The following MTFMT variants were observed in gnomAD, a reference collection of about 807,000 sequenced individuals.
The protein encoded by MTFMT is methionyl-tRNA formyltransferase, mitochondrial.
Under a neutral mutation model 51.8 loss-of-function variants are expected in MTFMT, and 47 were observed. The observed-to-expected ratio is 0.91, with a 90% confidence interval of 0.72 to 1.16. The LOEUF is 1.16. MTFMT is among the 50% of genes most tolerant of loss of function. The probability of loss-of-function intolerance (pLI) is 0.00; values close to 1 mark genes in which losing one functional copy is unlikely to be tolerated. For missense variants in MTFMT, 512 were observed against 482.3 expected (o/e 1.06, Z -0.58); for synonymous variants, 196 against 176.7 (o/e 1.11, Z -0.87).
chr15:65,017,441 T>C (rs965783324), intron 5 of MTFMT, among the ~76,000 whole-genome samples: 8 of 152,186 alleles, frequency 5.3e-5, no homozygotes, highest in Admixed American at 3.9e-4. Flanking sequence ...TAGCAAAAGA[T>C]TGGAAACAAC....
At chr15:65,029,324 T>G (rs1054465351) in intron 1 of MTFMT, 81 bp downstream of exon 1, 2 of 1,338,286 alleles carry the variant, frequency 1.5e-6, no homozygotes, top group Non-Finnish European at 1.9e-6. Flanking sequence ...CAACCAGAAG[T>G]CCAAAACCCT....
Position 65,023,707 on chromosome 15 carries a change from A to G in MTFMT, c.507T>C (p.Val169=). ...TAATTTGCATAATTGTTACTCCAGT[A>G]ACTGTGTCTCCGTGAAGCACTGTAT... is the stretch of plus-strand genomic sequence containing the variant. ...VIHTVLHGDT[V]TGVTIMQIRP... Residue 169 remains valine, a synonymous_variant, in exon 3 of 9, where the codon GTT becomes GTC. Transcript: ENST00000220058. The G allele has an allele frequency of 6.2e-7, 1 of 1,613,764 alleles. No homozygotes were observed. Among genetic ancestry groups the G allele is most frequent in the Non-Finnish European group, 8.5e-7 (1 of 1,179,720 alleles).
rs745679845 is a variant in MTFMT at position 65,016,524 on chromosome 15, G to C, written c.725C>G (p.Pro242Arg). 6.2e-7 allele frequency: 1 copy of C among 1,608,626 alleles called. No homozygotes were observed. ...ACAACTGGTACCAGCAGAAATCTTA[G>C]GGGCTACAAGATAAAACCAAGAGCA... ...QQPMEGATYA[P>R]KISAGTSCIK... Residue 242 changes from proline to arginine, a missense_variant, in exon 6 of 9, where the codon CCT becomes CGT. By Grantham distance (103) the Pro-to-Arg change is moderately radical. Coordinates refer to ENST00000220058, the MANE Select transcript of MTFMT (RefSeq NM_139242.4).
At chr15:65,027,242 G>C (rs535385470) in intron 1 of MTFMT, among the ~76,000 whole-genome samples, 34 of 150,098 alleles carry the variant, frequency 2.3e-4, no homozygotes, top group Admixed American at 5.3e-4. Context: ...CTGTCACCCA[G>C]GCTGGAGTGC....
rs560143110 is a variant in MTFMT at position 65,002,090 on chromosome 15, G to A, written c.*972C>T. 55 of 152,044 alleles carry A rather than the reference G, an allele frequency of 3.6e-4. No homozygotes were observed. Among genetic ancestry groups the A allele is most frequent in the African/African-American group, 1.3e-3 (53 of 41,466 alleles). The allele number at this position is 152,044 out of a possible 1,614,324, so 9.4% of individuals were successfully genotyped here. Reference sequence around the variant, plus strand: ...ACGATTTTTAAAAAATTAAATAGATGCACTGTTTTTAAAAAAACCTCTTCT... The same window carrying A: ...ACGATTTTTAAAAAATTAAATAGATACACTGTTTTTAAAAAAACCTCTTCT... On this transcript the variant is annotated 3_prime_UTR_variant, in exon 9 of 9. Transcript: ENST00000220058.
intron 3 of MTFMT, 123 bp downstream of exon 3, chr15:65,023,549 A>G: frequency 1.2e-6 from 1 of 846,124 alleles, no homozygotes. Flanking sequence ...ATATAAAAGC[A>G]GAAGAAGCAC....
intron 1 of MTFMT, among the ~76,000 whole-genome samples, chr15:65,027,389 G>A (rs1041206338): frequency 2.0e-5 from 3 of 152,062 alleles, no homozygotes; most frequent in African/African-American, 4.8e-5. Context: ...AGTGGAGGCA[G>A]GGTTTCCCCA....
chr15:65,008,357 A>T (rs1418175151), intron 6 of MTFMT, among the ~76,000 whole-genome samples: 39 of 152,192 alleles, frequency 2.6e-4, no homozygotes. Flanking sequence ...CACATTTCCA[A>T]CATACCTGAG....
chr15:65,014,542 T>C (rs2086300121), intron 6 of MTFMT, among the ~76,000 whole-genome samples: 1 of 151,912 alleles, frequency 6.6e-6, no homozygotes, highest in African/African-American at 2.4e-5. Flanking sequence ...GTCAGGCTGG[T>C]CTCGAACTCC....
chr15:65,028,466 G>C (rs539004068), intron 1 of MTFMT, among the ~76,000 whole-genome samples: 1 of 152,270 alleles, frequency 6.6e-6, no homozygotes, highest in South Asian at 2.1e-4. Context: ...AGTGAGAGAC[G>C]CATGTGACAA....
At chr15:65,014,141 G>A (rs2086295328) in intron 6 of MTFMT, among the ~76,000 whole-genome samples, 1 of 151,992 alleles carries the variant, frequency 6.6e-6, no homozygotes, top group African/African-American at 2.4e-5. Flanking sequence ...TTTTGTACTA[G>A]CTGTTCCTCT....
intron 8 of MTFMT, among the ~76,000 whole-genome samples, chr15:65,004,548 A>G (rs2086206383): frequency 6.6e-6 from 1 of 152,206 alleles, no homozygotes; most frequent in African/African-American, 2.4e-5. Flanking sequence ...TGATATGACT[A>G]TCTTTTATGT....
chr15:65,023,820 T>G, intron 2 of MTFMT, 26 bp from the exon 3 acceptor site: 2 of 1,598,100 alleles, frequency 1.3e-6, no homozygotes, highest in Non-Finnish European at 1.7e-6. Flanking sequence ...TAGAAATTAG[T>G]ATGTCAGTGG....
At chr15:65,004,570 A>C (rs976193353) in intron 8 of MTFMT, among the ~76,000 whole-genome samples, 1 of 152,216 alleles carries the variant, frequency 6.6e-6, no homozygotes, top group Non-Finnish European at 1.5e-5. Context: ...ACCAAGCACA[A>C]GAGCTGTTAA....
intron 5 of MTFMT, among the ~76,000 whole-genome samples, chr15:65,019,389 T>A (rs1342058968): frequency 6.6e-6 from 1 of 151,752 alleles, no homozygotes; most frequent in Middle Eastern, 3.2e-3. Flanking sequence ...TAAAAAGTAA[T>A]CCCTAAAATT....
Position 65,006,157 on chromosome 15 carries a change from A to G in MTFMT, c.848T>C (p.Ile283Thr). The G allele has an allele frequency of 6.2e-7, 1 of 1,612,952 alleles. No individual in the cohort carries two copies. The highest frequency in any genetic ancestry group is 1.3e-5 in the African/African-American group (1 of 75,024). ...AACTTCTACCAAATCCAGAAGTTTAATGGTATTCGCCATCCAGAGCGTCTG... is the reference window on the plus strand; with the variant it reads ...AACTTCTACCAAATCCAGAAGTTTAGTGGTATTCGCCATCCAGAGCGTCTG... Reference protein sequence around the residue: ...PLQTLWMANTIKLLDLVEVNS... With the variant: ...PLQTLWMANTTKLLDLVEVNS... The change falls in exon 7 of 9, where the codon ATT (isoleucine) becomes ACT (threonine). Residue 283 changes from isoleucine (I) to threonine (T), a missense_variant. Transcript: ENST00000220058.
chr15:65,017,091 TAA>T (rs68058563), intron 5 of MTFMT, among the ~76,000 whole-genome samples: 184 of 140,356 alleles, frequency 1.3e-3, no homozygotes, highest in Middle Eastern at 3.7e-3. Context: ...CAAAATAAAT[TAA>T]AAAAAAAAAA....
chr15:65,027,885 G>A (rs1247705486), intron 1 of MTFMT, among the ~76,000 whole-genome samples: 2 of 152,164 alleles, frequency 1.3e-5, no homozygotes, highest in Non-Finnish European at 2.9e-5. Context: ...TAACCATGAT[G>A]CCATTCAAAC....
intron 7 of MTFMT, 106 bp from the exon 8 acceptor site, chr15:65,005,042 C>A: frequency 1.4e-6 from 1 of 734,868 alleles, no homozygotes; most frequent in East Asian, 2.7e-5. Context: ...GTACTGATAC[C>A]GGAGAGAACA....
Sources: allele counts gnomAD v4.1 joint callset (sites outside exome capture counted in the v4.1 genomes callset), GRCh38; gene constraint gnomAD v4.1.1; transcripts MANE v1.5; gene names NCBI Gene and HGNC (gene_info 2026-07-23, HGNC 2026-07-21).